The following ZNF536 variants were observed in gnomAD, a reference collection of about 807,000 sequenced individuals.
ZNF536 encodes the protein zinc finger protein 536.
Under a neutral mutation model 84.5 loss-of-function variants are expected in ZNF536, and 13 were observed. That is an observed-to-expected ratio of 0.15 (90% CI 0.10 to 0.24). The LOEUF is 0.24. Among genes scored for constraint, ZNF536 ranks in the 10% least tolerant of loss-of-function variants. ZNF536 has a pLI of 1.00. For missense variants in ZNF536, 1,536 were observed against 1,747.5 expected (o/e 0.88, Z 2.16); for synonymous variants, 811 against 742.5 (o/e 1.09, Z -1.50).
intron 1 of ZNF536, among the ~76,000 whole-genome samples, chr19:30,399,245 C>T (rs750481187): frequency 3.9e-5 from 6 of 152,160 alleles, no homozygotes; most frequent in Non-Finnish European, 7.4e-5. Context: ...ATATCCTTCA[C>T]CCACTTTTTC....
intron 1 of ZNF536, among the ~76,000 whole-genome samples, chr19:30,434,806 T>A (rs769080346): frequency 2.0e-5 from 3 of 152,050 alleles, no homozygotes; most frequent in Admixed American, 6.6e-5. Flanking sequence ...ATGATGGTGA[T>A]GGTGATGATG....
At chr19:30,488,491 C>A (rs1217582284) in intron 2 of ZNF536, among the ~76,000 whole-genome samples, 2 of 151,552 alleles carry the variant, frequency 1.3e-5, no homozygotes, top group African/African-American at 2.4e-5. Flanking sequence ...TGATTTCTTT[C>A]ATCTCACAAG....
chr19:30,413,819 C>T (rs952500266), intron 1 of ZNF536, among the ~76,000 whole-genome samples: 3 of 151,946 alleles, frequency 2.0e-5, no homozygotes, highest in South Asian at 2.1e-4. Flanking sequence ...TGGCTGGGCA[C>T]GGTGGTTCAC....
At chr19:30,437,324 T>C (rs555818682) in intron 1 of ZNF536, among the ~76,000 whole-genome samples, 1 of 152,344 alleles carries the variant, frequency 6.6e-6, no homozygotes, top group South Asian at 2.1e-4. Context: ...TTGTCATTGA[T>C]ATCACAGGAA....
Position 30,575,124 on chromosome 19 carries a change from CCATTCATT to C in ZNF536, c.169+25633_169+25640del, listed in dbSNP as rs370451298. Among the ~76,000 whole-genome samples the C allele has an allele frequency of 8.0e-4, 121 of 152,166 alleles. No homozygotes were observed. In the Middle Eastern group the frequency reaches 0.01, roughly 13 times the overall value. ...GGAGGTACTCTGCAGCAGAATTTAT[CCATTCATT>C]CATTCATTCATTCATTCATTCAGCA... is the stretch of plus-strand genomic sequence containing the variant. On this transcript the variant is annotated intron_variant, in intron 1 of 1. Coordinates refer to the ZNF536 transcript ENST00000592773.
intron 1 of ZNF536, among the ~76,000 whole-genome samples, chr19:30,256,376 T>C (rs1399746990): frequency 2.0e-5 from 3 of 152,250 alleles, no homozygotes; most frequent in African/African-American, 7.2e-5. Context: ...ATTGGCCTAA[T>C]TGGACATTTT....
intron 3 of ZNF536, among the ~76,000 whole-genome samples, chr19:30,355,077 G>A (rs935428025): frequency 6.6e-5 from 10 of 152,168 alleles, no homozygotes; most frequent in African/African-American, 1.9e-4. Flanking sequence ...AATACCCAAG[G>A]CTGGGTGATT....
At chr19:30,245,913 A>T (rs1397709387) in intron 1 of ZNF536, among the ~76,000 whole-genome samples, 2 of 152,156 alleles carry the variant, frequency 1.3e-5, no homozygotes, top group Non-Finnish European at 2.9e-5. Flanking sequence ...GGAGCGTTGG[A>T]GTCAGGTTCT....
intron 1 of ZNF536, among the ~76,000 whole-genome samples, chr19:30,619,275 G>A (rs187249486): frequency 4.9e-4 from 74 of 152,150 alleles, no homozygotes; most frequent in Non-Finnish European, 4.4e-4. Context: ...GATGGGCAAT[G>A]CCTTCTCCTA....
intron 1 of ZNF536, among the ~76,000 whole-genome samples, chr19:30,572,715 G>A (rs536536519): frequency 2.7e-4 from 41 of 152,250 alleles, no homozygotes; most frequent in South Asian, 2.1e-4. Context: ...AAATAAGTTC[G>A]GCATAGGATG....
At chr19:30,619,061 A>G (rs1051269173) in intron 1 of ZNF536, among the ~76,000 whole-genome samples, 1 of 152,194 alleles carries the variant, frequency 6.6e-6, no homozygotes, top group African/African-American at 2.4e-5. Context: ...TAGTGTAATC[A>G]TTGCTGAAAT....
intron 3 of ZNF536, among the ~76,000 whole-genome samples, chr19:30,365,837 C>T (rs1449188289): frequency 2.0e-5 from 3 of 152,032 alleles, no homozygotes; most frequent in Non-Finnish European, 4.4e-5. Context: ...TAGCTTTGTC[C>T]TGGATAATAA....
chr19:30,593,432 C>T (rs964701789), intron 1 of ZNF536, among the ~76,000 whole-genome samples: 2 of 152,134 alleles, frequency 1.3e-5, no homozygotes, highest in African/African-American at 2.4e-5. Context: ...CTGGCTAGCT[C>T]TTGTGAATTC....
At chr19:30,506,905 A>T (rs758123785) in intron 2 of ZNF536, among the ~76,000 whole-genome samples, 1 of 152,212 alleles carries the variant, frequency 6.6e-6, no homozygotes, top group Non-Finnish European at 1.5e-5. Flanking sequence ...TGAGATAATC[A>T]TTCTTAACAT....
At chr19:30,568,934 G>A (rs959373749) in intron 1 of ZNF536, among the ~76,000 whole-genome samples, 2 of 152,184 alleles carry the variant, frequency 1.3e-5, no homozygotes, top group South Asian at 4.1e-4. Context: ...CTGAAAATAA[G>A]TTGGGCCCTC....
At chr19:30,231,302 A>G (rs1248634670) in intron 1 of ZNF536, among the ~76,000 whole-genome samples, 2 of 152,186 alleles carry the variant, frequency 1.3e-5, no homozygotes, top group Non-Finnish European at 2.9e-5. Flanking sequence ...GAGGCCTTAG[A>G]TTTCGGCTGG....
intron 1 of ZNF536, among the ~76,000 whole-genome samples, chr19:30,416,919 T>C (rs921659291): frequency 6.6e-6 from 1 of 152,112 alleles, no homozygotes; most frequent in Non-Finnish European, 1.5e-5. Context: ...TTCCCCACAG[T>C]GTATTTGAGG....
chr19:30,264,694 C>T (rs1284511466), intron 1 of ZNF536, among the ~76,000 whole-genome samples: 1 of 152,112 alleles, frequency 6.6e-6, no homozygotes, highest in African/African-American at 2.4e-5. Context: ...GAGCACGTCT[C>T]ACAGGGAAGT....
intron 1 of ZNF536, among the ~76,000 whole-genome samples, chr19:30,647,487 C>G (rs2049520431): frequency 6.6e-6 from 1 of 152,212 alleles, no homozygotes; most frequent in Non-Finnish European, 1.5e-5. Context: ...TCTTTCTCAC[C>G]TGTTCTGCTA....
Sources: gnomAD v4.1 joint callset for allele counts (sites outside exome capture counted in the v4.1 genomes callset) on GRCh38, gnomAD v4.1.1 for gene constraint, MANE v1.5 for transcripts, NCBI Gene and HGNC (gene_info 2026-07-23, HGNC 2026-07-21) for gene names.